Variants in WDR64 observed in about 807,000 individuals in gnomAD.
The protein encoded by WDR64 is WD repeat domain 64, also known as WD repeat-containing protein 64.
WDR64 carries 112 observed loss-of-function variants against 139.3 expected under a neutral mutation model. The ratio of observed to expected loss-of-function variants is 0.80; its 90% CI spans 0.69 to 0.94. The LOEUF is 0.94. Ranked by LOEUF, WDR64 falls within the 40% of genes least tolerant of loss-of-function variation. The pLI, the probability that WDR64 is intolerant of heterozygous loss-of-function variation, is 0.00. For missense variants in WDR64, 1,206 were observed against 1,293.1 expected (o/e 0.93, Z 1.03); for synonymous variants, 444 against 437.7 (o/e 1.01, Z -0.18).
intron 10 of WDR64, among the ~76,000 whole-genome samples, chr1:241,734,637 A>C (rs1051237069): frequency 1.3e-5 from 2 of 152,172 alleles, no homozygotes; most frequent in African/African-American, 4.8e-5. Flanking sequence ...AACAGAATAC[A>C]TAAGACATTG....
intron 5 of WDR64, among the ~76,000 whole-genome samples, chr1:241,678,852 C>T (rs10926532): frequency 2.6e-5 from 2 of 75,814 alleles, no homozygotes; most frequent in African/African-American, 1.1e-4. Context: ...ACCTCCATTT[C>T]TTAAACTGAA....
intron 20 of WDR64, among the ~76,000 whole-genome samples, chr1:241,773,480 G>T (rs1658537883): frequency 1.3e-5 from 2 of 151,930 alleles, no homozygotes. Flanking sequence ...TTGTTTGTTT[G>T]TTTTTTTAAG....
chr1:241,769,845 G>A (rs1658356291), intron 17 of WDR64, among the ~76,000 whole-genome samples: 2 of 152,158 alleles, frequency 1.3e-5, no homozygotes, highest in South Asian at 4.1e-4. Flanking sequence ...TCTGACACAG[G>A]TGTGAAACAG....
In WDR64 at chr1:241,683,564, C is replaced by A; in HGVS notation, c.702C>A (p.Cys234Ter). 6.4e-7 allele frequency: 1 copy of A among 1,551,626 alleles called. No individual in the cohort carries two copies. The highest frequency in any genetic ancestry group is 1.2e-5 in the South Asian group (1 of 84,046). Residue 234 changes from cysteine (C) to a stop codon, truncating the protein, a stop_gained, in exon 7 of 28, where the codon TGC becomes TGA. Coordinates refer to ENST00000437684, the MANE Select transcript of WDR64 (RefSeq NM_001367482.1). LOFTEE classifies it high-confidence loss of function. ...TGGTGCCTTTGCCTGACCATCTCTG[C>A]CGAGATGACATCCTCTTGGGGGATG... ...VCVVPLPDHL[C>*]RDDILLGDDG...
At chr1:241,682,669 T>G (rs1469045821) in intron 6 of WDR64, among the ~76,000 whole-genome samples, 2 of 152,034 alleles carry the variant, frequency 1.3e-5, no homozygotes, top group Non-Finnish European at 2.9e-5. Context: ...GAAGAATGAT[T>G]TCACTCTCCT....
At chr1:241,777,495 C>A (rs1230206022) in intron 21 of WDR64, among the ~76,000 whole-genome samples, 2 of 151,792 alleles carry the variant, frequency 1.3e-5, no homozygotes, top group African/African-American at 4.8e-5. Flanking sequence ...TCAGCTCACC[C>A]CAATCTTCGC....
At chr1:241,736,415 T>TTA (rs553058213) in intron 10 of WDR64, among the ~76,000 whole-genome samples, 1 of 134,656 alleles carries the variant, frequency 7.4e-6, no homozygotes, top group Non-Finnish European at 1.6e-5. Context: ...TGGAAGAGTT[T>TTA]AAAAAAAAAA....
At position 241,656,384 on chromosome 1, in the gene WDR64, G is replaced by A. The variant is rs1665597009; in HGVS notation, c.145+3755G>A. ...AAAGTAATGCTCTTAGATCTTGTGA[G>A]TGACCTGGGGGAATTAATTTTATCC... On this transcript the variant is annotated intron_variant, in intron 1 of 27. Coordinates refer to ENST00000437684, the MANE Select transcript of WDR64 (RefSeq NM_001367482.1). The surrounding 1 kb of genome is among the most constrained non-coding windows in gnomAD (Gnocchi z 4.3). 6.6e-6 allele frequency among the ~76,000 whole-genome samples: 1 copy of A among 152,194 alleles called. No homozygotes were observed. The highest frequency in any genetic ancestry group is 1.5e-5 in the Non-Finnish European group (1 of 68,042).
At chr1:241,695,338 C>T (rs1228830628) in intron 8 of WDR64, among the ~76,000 whole-genome samples, 3 of 151,980 alleles carry the variant, frequency 2.0e-5, no homozygotes, top group Non-Finnish European at 4.4e-5. Context: ...TTCCTAACTC[C>T]ATGTTTAGAG....
chr1:241,790,745 T>C, intron 25 of WDR64, 49 bp downstream of exon 25: 1 of 1,377,082 alleles, frequency 7.3e-7, no homozygotes, highest in Non-Finnish European at 1.0e-6. Context: ...CAACAAAACC[T>C]TTGCTTTTGT....
intron 10 of WDR64, among the ~76,000 whole-genome samples, chr1:241,723,893 T>G (rs1668705082): frequency 6.6e-6 from 1 of 151,966 alleles, no homozygotes; most frequent in Admixed American, 6.6e-5. Flanking sequence ...CAACTTTCAG[T>G]GTAGGAATAG....
In WDR64 at chr1:241,656,573, C is replaced by T. The variant is rs1289741482; in HGVS notation, c.145+3944C>T. Among the ~76,000 whole-genome samples the T allele has an allele frequency of 1.3e-5, 2 of 152,134 alleles. No individual in the cohort carries two copies. The highest frequency in any genetic ancestry group is 2.4e-5 in the African/African-American group (1 of 41,418). Reference sequence around the variant, plus strand: ...CCAAAATAGAGTGCTTTATTTTCCCCAACAATCTTCTTCCCATTGCCTTGC... The same window carrying T: ...CCAAAATAGAGTGCTTTATTTTCCCTAACAATCTTCTTCCCATTGCCTTGC... On this transcript the variant is annotated intron_variant, in intron 1 of 27. Transcript: ENST00000437684. The surrounding 1 kb of genome is among the most constrained non-coding windows in gnomAD (Gnocchi z 4.3).
At chr1:241,731,241 G>C (rs1377640422) in intron 10 of WDR64, among the ~76,000 whole-genome samples, 1 of 152,038 alleles carries the variant, frequency 6.6e-6, no homozygotes, top group Non-Finnish European at 1.5e-5. Context: ...AGGTACAGTG[G>C]TGCATGCCTG....
intron 10 of WDR64, among the ~76,000 whole-genome samples, chr1:241,729,863 C>G (rs1444191007): frequency 6.6e-6 from 1 of 152,074 alleles, no homozygotes; most frequent in Non-Finnish European, 1.5e-5. Context: ...TTTCTTGTTT[C>G]TTTGATAATT....
At chr1:241,719,420 T>C (rs565840390) in intron 9 of WDR64, among the ~76,000 whole-genome samples, 1 of 152,234 alleles carries the variant, frequency 6.6e-6, no homozygotes, top group East Asian at 1.9e-4. Context: ...GGCACATAGG[T>C]AGGGCACTCA....
chr1:241,783,037 T>C (rs1314295582), intron 22 of WDR64, among the ~76,000 whole-genome samples: 1 of 152,206 alleles, frequency 6.6e-6, no homozygotes, highest in Non-Finnish European at 1.5e-5. Flanking sequence ...GCCAGAGACA[T>C]AAGATACTTC....
chr1:241,777,493 C>G (rs1332099753), intron 21 of WDR64, among the ~76,000 whole-genome samples: 3 of 151,946 alleles, frequency 2.0e-5, no homozygotes, highest in Non-Finnish European at 2.9e-5. Context: ...TCTCAGCTCA[C>G]CCCAATCTTC....
chr1:241,747,828 A>G (rs1214110391), intron 13 of WDR64, among the ~76,000 whole-genome samples: 1 of 152,210 alleles, frequency 6.6e-6, no homozygotes, highest in Non-Finnish European at 1.5e-5. Flanking sequence ...GGCAGGACAC[A>G]ATTACTGTCT....
chr1:241,783,294 G>A lies in WDR64; in HGVS notation c.2618G>A (p.Trp873Ter). Residue 873 changes from tryptophan (W) to a stop codon, truncating the protein, a stop_gained, in exon 23 of 28, where the codon TGG (tryptophan) becomes TAG (stop). Transcript: ENST00000437684. LOFTEE classifies it high-confidence loss of function. ...DEKKFKQLLS[W>*]RAHSLEIIQV... Reference sequence around the variant, plus strand: ...TAGAAATTCAAGCAGCTGCTTTCCTGGCGTGCTCATTCTTTGGAAATTATT... The same window carrying A: ...TAGAAATTCAAGCAGCTGCTTTCCTAGCGTGCTCATTCTTTGGAAATTATT... 6.2e-7 allele frequency: 1 copy of A among 1,613,870 alleles called. No individual in the cohort carries two copies. The highest frequency in any genetic ancestry group is 8.5e-7 in the Non-Finnish European group (1 of 1,179,924).
Sources: allele counts gnomAD v4.1 joint callset (sites outside exome capture counted in the v4.1 genomes callset), GRCh38; gene constraint gnomAD v4.1.1; non-coding constraint Gnocchi (gnomAD v3.1); transcripts MANE v1.5; gene names NCBI Gene and HGNC (gene_info 2026-07-23, HGNC 2026-07-21).